The following DROSHA variants were observed in gnomAD, a reference collection of about 807,000 sequenced individuals.
The protein encoded by DROSHA is ribonuclease 3.
In DROSHA, 56 loss-of-function variants were observed where a neutral mutation model predicts 181.9. The ratio of observed to expected loss-of-function variants is 0.31; its 90% confidence interval spans 0.25 to 0.38. The LOEUF is 0.38. Among genes scored for constraint, DROSHA ranks in the 10% least tolerant of loss-of-function variants. The probability of loss-of-function intolerance (pLI) is 1.00; values close to 1 mark genes in which losing one functional copy is unlikely to be tolerated. For synonymous variants in DROSHA, 524 were observed against 591.2 expected, an observed-to-expected ratio of 0.89 and a Z score of 1.65; for missense variants, 1,218 against 1,743.5, an observed-to-expected ratio of 0.70 and a Z score of 5.37.
chr5:31,429,430 G>A, intron 27 of DROSHA, 45 bp downstream of exon 27: 2 of 1,521,098 alleles, frequency 1.3e-6, no homozygotes, highest in Non-Finnish European at 1.8e-6. Flanking sequence ...AAAATATTCT[G>A]TAATAATATA....
At chr5:31,439,861 G>A (rs954323899) in intron 23 of DROSHA, among the ~76,000 whole-genome samples, 13 of 152,086 alleles carry the variant, frequency 8.5e-5, no homozygotes, top group South Asian at 2.1e-4. Flanking sequence ...AGGAGGACAC[G>A]CAGAGCCCAT....
chr5:31,506,882 T>C (rs1738036018), intron 10 of DROSHA, among the ~76,000 whole-genome samples: 1 of 152,162 alleles, frequency 6.6e-6, no homozygotes. Context: ...GGCTCAACTA[T>C]ACAGAGGACA....
intron 24 of DROSHA, 72 bp downstream of exon 24, chr5:31,437,167 G>A (rs947681795): frequency 6.9e-7 from 1 of 1,445,096 alleles, no homozygotes; most frequent in East Asian, 2.5e-5. Context: ...TACAAAGAAA[G>A]CAATGTAATA....
chr5:31,466,448 G>T, intron 18 of DROSHA, 167 bp from the exon 19 acceptor site: 1 of 585,464 alleles, frequency 1.7e-6, no homozygotes, highest in Non-Finnish European at 3.0e-6. Context: ...TTGAGGCTGA[G>T]AGTCAGGATG....
rs59864839 is a variant in DROSHA at position 31,464,863 on chromosome 5, T to G, written c.2467-520A>C. 5.5e-3 allele frequency among the ~76,000 whole-genome samples: 838 copies of G among 152,282 alleles called. 11 individuals are homozygous for G. The highest frequency in any genetic ancestry group is 0.019 in the African/African-American group (784 of 41,566). On this transcript the variant is annotated intron_variant, in intron 19 of 35. Coordinates refer to ENST00000344624, the MANE Select transcript of DROSHA (RefSeq NM_001382508.1). ...GTGAGACATGATTAGGAACTAACTC[T>G]TCCCTTTCACGGCCCTTCAAATAAT... is the stretch of plus-strand genomic sequence containing the variant.
At chr5:31,479,587 A>T (rs1750781020) in intron 16 of DROSHA, among the ~76,000 whole-genome samples, 1 of 152,158 alleles carries the variant, frequency 6.6e-6, no homozygotes, top group African/African-American at 2.4e-5. Context: ...TCATAAAGGA[A>T]TATATATCTA....
In DROSHA at chr5:31,443,537, G is replaced by A. The variant is rs114601408; in HGVS notation, c.2882+5010C>T. 6.1e-3 allele frequency among the ~76,000 whole-genome samples: 926 copies of A among 152,222 alleles called. 10 individuals are homozygous for A. Among genetic ancestry groups the A allele is most frequent in the African/African-American group, 0.021 (862 of 41,518 alleles). The stretch of plus-strand genomic sequence containing the variant: ...ACAGTTCATCACAATTTGCATGAAT[G>A]AATTAAATATAACTATTCAGCTCAG... On this transcript the variant is annotated intron_variant, in intron 23 of 35. Coordinates refer to ENST00000344624, the MANE Select transcript of DROSHA (RefSeq NM_001382508.1).
intron 17 of DROSHA, 143 bp downstream of exon 17, chr5:31,471,920 A>G: frequency 1.4e-6 from 1 of 729,358 alleles, no homozygotes; most frequent in Non-Finnish European, 2.0e-6. Flanking sequence ...CTTATTTACT[A>G]AATATTTAAA....
chr5:31,497,759 T>C (rs1753160767), intron 11 of DROSHA, among the ~76,000 whole-genome samples: 1 of 152,246 alleles, frequency 6.6e-6, no homozygotes, highest in African/African-American at 2.4e-5. Context: ...TGTTGGTGGC[T>C]GGGGTGTTTT....
rs1246716704 is a variant in DROSHA at position 31,470,153 on chromosome 5, T to C, written c.2241+1910A>G. Among the ~76,000 whole-genome samples, 7 of 152,306 alleles carry C rather than the reference T, an allele frequency of 4.6e-5. No homozygotes were observed. The East Asian group carries it at 1.4e-3, about 29-fold the overall frequency. ...CTAAGCCTGACACTGAAACTTCCAATAAAAATCTTTCATACTGACTAGGTC... is the reference window on the plus strand; with the variant it reads ...CTAAGCCTGACACTGAAACTTCCAACAAAAATCTTTCATACTGACTAGGTC... On this transcript the variant is annotated intron_variant, in intron 17 of 35. Transcript: ENST00000344624. The surrounding 1 kb of genome is among the most constrained non-coding windows in gnomAD (Gnocchi z 4.0).
Position 31,474,562 on chromosome 5 carries a change from T to C in DROSHA, c.2072-2330A>G, listed in dbSNP as rs533994110. 3.2e-4 allele frequency among the ~76,000 whole-genome samples: 48 copies of C among 152,158 alleles called. No homozygotes were observed. The South Asian group carries it at 9.8e-3, about 31-fold the overall frequency. On this transcript the variant is annotated intron_variant, in intron 16 of 35. Transcript: ENST00000344624. Reference sequence around the variant, plus strand: ...ATTTTTTTGTAGAGACAGGGTCTAATTATGTTGCCCAGGCTGTTCTCCAAT... The same window carrying C: ...ATTTTTTTGTAGAGACAGGGTCTAACTATGTTGCCCAGGCTGTTCTCCAAT...
chr5:31,461,485 G>C (rs1748396926), intron 20 of DROSHA, among the ~76,000 whole-genome samples: 1 of 152,076 alleles, frequency 6.6e-6, no homozygotes, highest in African/African-American at 2.4e-5. Context: ...TATGCAATAG[G>C]ACAGACTAAG....
At chr5:31,472,559 T>C (rs1749854848) in intron 16 of DROSHA, among the ~76,000 whole-genome samples, 1 of 152,218 alleles carries the variant, frequency 6.6e-6, no homozygotes, top group Non-Finnish European at 1.5e-5. Context: ...ATAACCATAG[T>C]TTATAATATA....
In DROSHA at chr5:31,409,836, C is replaced by T. The variant is rs1275969383; in HGVS notation, c.3668-504G>A. Among the ~76,000 whole-genome samples the T allele has an allele frequency of 1.3e-5, 2 of 152,064 alleles. No homozygotes were observed. Among genetic ancestry groups the T allele is most frequent in the Non-Finnish European group, 2.9e-5 (2 of 68,020 alleles). On this transcript the variant is annotated intron_variant, in intron 31 of 35. Coordinates refer to ENST00000344624, the MANE Select transcript of DROSHA (RefSeq NM_001382508.1). The surrounding 1 kb of genome is among the most constrained non-coding windows in gnomAD (Gnocchi z 4.0). ...AAAAAGAGAAAAACTTAATACTGAT[C>T]TTAATGACAACAATATGTCAAATTT...
chr5:31,531,568 GA>G (rs1459704584), intron 1 of DROSHA, 43 bp from the exon 2 acceptor site: 2 of 152,144 alleles, frequency 1.3e-5, no homozygotes, highest in East Asian at 3.9e-4. Flanking sequence ...CATGTAAAAA[GA>G]ATTTTAAAGT....
In DROSHA at chr5:31,431,637, A is replaced by G; in HGVS notation, c.3084T>C (p.Pro1028=). ...GAAGGTCCGATTCTCTACAAAGGTC[A>G]GGCCCGTGAGCATACAGCATAAATC... ...LDRFMLYAHG[P]DLCRESDLRH... The change falls in exon 26 of 36, where the codon CCT becomes CCC. Residue 1028 remains proline, a synonymous_variant. Coordinates refer to ENST00000344624, the MANE Select transcript of DROSHA (RefSeq NM_001382508.1). 1 of 1,614,030 alleles carries G rather than the reference A, an allele frequency of 6.2e-7. No individual in the cohort carries two copies. The highest frequency in any genetic ancestry group is 8.5e-7 in the Non-Finnish European group (1 of 1,179,880).
At chr5:31,503,558 G>C (rs1737550844) in intron 11 of DROSHA, among the ~76,000 whole-genome samples, 1 of 152,148 alleles carries the variant, frequency 6.6e-6, no homozygotes, top group African/African-American at 2.4e-5. Flanking sequence ...CCTTCCTGGG[G>C]TACTTTGCTC....
At chr5:31,492,226 T>A (rs1752507681) in intron 13 of DROSHA, among the ~76,000 whole-genome samples, 1 of 152,172 alleles carries the variant, frequency 6.6e-6, no homozygotes, top group Non-Finnish European at 1.5e-5. Flanking sequence ...GGATAAAAAA[T>A]ACTGTGAAAT....
chr5:31,521,267 C>T, intron 5 of DROSHA, 52 bp from the exon 6 acceptor site: 1 of 1,585,750 alleles, frequency 6.3e-7, no homozygotes, highest in South Asian at 1.1e-5. Context: ...CTCAAAAACA[C>T]CATCTCTTTT....
Sources: gnomAD v4.1 joint callset for allele counts (sites outside exome capture counted in the v4.1 genomes callset) on GRCh38, gnomAD v4.1.1 for gene constraint, Gnocchi (gnomAD v3.1) non-coding constraint, MANE v1.5 for transcripts, NCBI Gene and HGNC (gene_info 2026-07-23, HGNC 2026-07-21) for gene names.